LRMDA: variants seen among roughly 807,000 people sequenced by gnomAD.
The protein encoded by LRMDA is leucine-rich melanocyte differentiation-associated protein.
A neutral mutation model predicts 29.8 loss-of-function variants in LRMDA; 18 were observed. The ratio of observed to expected loss-of-function variants is 0.60; its 90% confidence interval spans 0.42 to 0.90. The LOEUF is 0.90. Among genes scored for constraint, LRMDA ranks in the 40% least tolerant of loss-of-function variants. LRMDA has a pLI of 0.00. For missense variants in LRMDA, 273 were observed against 273.9 expected, an observed-to-expected ratio of 1.00 and a Z score of 0.02; for synonymous variants, 125 against 109.4, an observed-to-expected ratio of 1.14 and a Z score of -0.89.
At chr10:75,474,460 G>A (rs1844764257) in intron 2 of LRMDA, among the ~76,000 whole-genome samples, 1 of 152,210 alleles carries the variant, frequency 6.6e-6, no homozygotes, top group African/African-American at 2.4e-5. Flanking sequence ...GGGTCTGTTT[G>A]TGGATCCATT....
At chr10:76,112,166 G>T (rs1849589294) in intron 5 of LRMDA, among the ~76,000 whole-genome samples, 1 of 152,190 alleles carries the variant, frequency 6.6e-6, no homozygotes. Context: ...AGGAGCTGGC[G>T]GGAGGGCGGA....
At chr10:76,159,940 A>G (rs1589357153) in intron 5 of LRMDA, among the ~76,000 whole-genome samples, 2 of 152,248 alleles carry the variant, frequency 1.3e-5, no homozygotes, top group East Asian at 3.9e-4. Context: ...TCTGTATGAT[A>G]GTGTGATGAC....
intron 2 of LRMDA, among the ~76,000 whole-genome samples, chr10:75,688,147 C>T (rs1007530416): frequency 9.2e-5 from 14 of 152,220 alleles, no homozygotes; most frequent in Non-Finnish European, 1.8e-4. Context: ...CAACTTTCAA[C>T]TTTCAAGTCT....
At chr10:76,542,246 A>C (rs1843366186) in intron 6 of LRMDA, among the ~76,000 whole-genome samples, 1 of 152,228 alleles carries the variant, frequency 6.6e-6, no homozygotes, top group Non-Finnish European at 1.5e-5. Flanking sequence ...TGTGCTATAC[A>C]GATGTAAATG....
chr10:76,126,600 T>C (rs1849888383), intron 5 of LRMDA, among the ~76,000 whole-genome samples: 1 of 152,192 alleles, frequency 6.6e-6, no homozygotes, highest in African/African-American at 2.4e-5. Context: ...GGGCTTCTGT[T>C]TCTTTTTGTG....
At position 76,041,265 on chromosome 10, in the gene LRMDA, G is replaced by A. The variant is rs1336959595; in HGVS notation, c.258+5131G>A. Among the ~76,000 whole-genome samples the A allele has an allele frequency of 2.0e-5, 3 of 152,194 alleles. No individual in the cohort carries two copies. The East Asian group carries it at 5.8e-4, about 29-fold the overall frequency. On this transcript the variant is annotated intron_variant, in intron 3 of 6. Coordinates refer to ENST00000611255, the MANE Select transcript of LRMDA (RefSeq NM_001305581.2). ...ATAGCCCGGTGATGGCACCTGTGCT[G>A]TCACACAGAAACATGTAAGAACCCT...
At chr10:75,809,081 CTG>C (rs1448591371) in intron 2 of LRMDA, among the ~76,000 whole-genome samples, 1 of 152,130 alleles carries the variant, frequency 6.6e-6, no homozygotes, top group Admixed American at 6.5e-5. Context: ...TGCCCATCCT[CTG>C]GGGGTCAGCT....
chr10:75,434,650 A>C (rs1844244914), intron 1 of LRMDA, among the ~76,000 whole-genome samples: 1 of 152,196 alleles, frequency 6.6e-6, no homozygotes. Flanking sequence ...GCAGTAGCGC[A>C]ATCATAGCTC....
chr10:75,768,581 G>A (rs555448804), intron 2 of LRMDA, among the ~76,000 whole-genome samples: 2 of 152,298 alleles, frequency 1.3e-5, no homozygotes, highest in African/African-American at 2.4e-5. Flanking sequence ...TCTCCAGGTA[G>A]CATCAGACAC....
At chr10:76,310,457 T>C (rs1840615862) in intron 5 of LRMDA, among the ~76,000 whole-genome samples, 1 of 109,982 alleles carries the variant, frequency 9.1e-6, no homozygotes, top group Admixed American at 8.9e-5. Context: ...ATGACTCTTC[T>C]CCTGTTGCAT....
intron 6 of LRMDA, among the ~76,000 whole-genome samples, chr10:76,460,172 G>A (rs552211140): frequency 9.5e-4 from 145 of 152,240 alleles, no homozygotes; most frequent in African/African-American, 3.0e-3. Flanking sequence ...GTGAGACTTC[G>A]CTGCACAGTA....
intron 2 of LRMDA, among the ~76,000 whole-genome samples, chr10:75,445,451 G>A (rs2132026943): frequency 6.6e-6 from 1 of 152,330 alleles, no homozygotes; most frequent in African/African-American, 2.4e-5. Flanking sequence ...CCTCTGGAGA[G>A]GTGATACCAG....
intron 5 of LRMDA, among the ~76,000 whole-genome samples, chr10:76,294,893 A>G (rs2132352543): frequency 6.6e-6 from 1 of 152,282 alleles, no homozygotes; most frequent in South Asian, 2.1e-4. Flanking sequence ...TTTGGGTCAC[A>G]TTGTCTTCTT....
intron 2 of LRMDA, among the ~76,000 whole-genome samples, chr10:75,985,857 G>T (rs993995411): frequency 6.6e-6 from 1 of 152,222 alleles, no homozygotes; most frequent in Non-Finnish European, 1.5e-5. Context: ...TCCTGGAGAA[G>T]AGCTGTTGAT....
intron 2 of LRMDA, among the ~76,000 whole-genome samples, chr10:75,544,566 A>G (rs1840054833): frequency 6.6e-6 from 1 of 152,172 alleles, no homozygotes; most frequent in Admixed American, 6.5e-5. Context: ...TGCCTCTTGC[A>G]TGATCCCAGC....
intron 2 of LRMDA, among the ~76,000 whole-genome samples, chr10:75,637,818 AG>A (rs1241234648): frequency 6.6e-6 from 1 of 152,166 alleles, no homozygotes; most frequent in Non-Finnish European, 1.5e-5. Flanking sequence ...GTTAACTATG[AG>A]GGGTGACTGG....
chr10:76,305,320 C>A (rs552672089), intron 5 of LRMDA, among the ~76,000 whole-genome samples: 2 of 152,314 alleles, frequency 1.3e-5, no homozygotes, highest in South Asian at 4.1e-4. Flanking sequence ...GATGGTAGAA[C>A]GGAGTCAGGA....
chr10:75,814,595 A>G (rs1213106454), intron 2 of LRMDA, among the ~76,000 whole-genome samples: 2 of 152,084 alleles, frequency 1.3e-5, no homozygotes, highest in South Asian at 2.1e-4. Context: ...TGAAACATTC[A>G]TGTTCTTCCT....
At chr10:76,224,081 C>T (rs1851903134) in intron 5 of LRMDA, among the ~76,000 whole-genome samples, 1 of 152,160 alleles carries the variant, frequency 6.6e-6, no homozygotes, top group African/African-American at 2.4e-5. Flanking sequence ...CCCTCAGCAT[C>T]ACAGTGGTTG....
Sources: gnomAD v4.1 joint callset for allele counts (sites outside exome capture counted in the v4.1 genomes callset) on GRCh38, gnomAD v4.1.1 for gene constraint, MANE v1.5 for transcripts, NCBI Gene and HGNC (gene_info 2026-07-23, HGNC 2026-07-21) for gene names.